Variants in PRKG1 observed in about 807,000 individuals in gnomAD.
The protein encoded by PRKG1 is protein kinase cGMP-dependent 1, also known as cGMP-dependent protein kinase 1.
Under a neutral mutation model 88.1 loss-of-function variants are expected in PRKG1, and 35 were observed. The ratio of observed to expected loss-of-function variants is 0.40; its 90% confidence interval spans 0.30 to 0.53. The LOEUF (loss-of-function observed/expected upper bound fraction) is 0.53. Among genes scored for constraint, PRKG1 ranks in the 20% least tolerant of loss-of-function variants. The pLI, the probability that PRKG1 is intolerant of heterozygous loss-of-function variation, is 0.59. For missense variants in PRKG1, 540 were observed against 839.8 expected (o/e 0.64, Z 4.41); for synonymous variants, 303 against 292.5 (o/e 1.04, Z -0.37).
intron 3 of PRKG1, among the ~76,000 whole-genome samples, chr10:51,601,506 G>A (rs1363671746): frequency 3.3e-5 from 5 of 152,018 alleles, no homozygotes; most frequent in Non-Finnish European, 7.4e-5. Flanking sequence ...GGTTCCACCC[G>A]GCAGGGTATG....
chr10:52,134,137 C>T (rs1179342638), intron 8 of PRKG1, among the ~76,000 whole-genome samples: 1 of 152,094 alleles, frequency 6.6e-6, no homozygotes, highest in Non-Finnish European at 1.5e-5. Flanking sequence ...CGGCTCAGCT[C>T]ATTTGTAAAC....
intron 9 of PRKG1, among the ~76,000 whole-genome samples, chr10:52,204,986 G>A (rs533481480): frequency 2.6e-4 from 39 of 152,212 alleles, no homozygotes; most frequent in African/African-American, 8.9e-4. Flanking sequence ...CCTGGGAAAA[G>A]AATGCATTCC....
At chr10:51,673,269 T>A (rs1564600830) in intron 3 of PRKG1, among the ~76,000 whole-genome samples, 1 of 151,890 alleles carries the variant, frequency 6.6e-6, no homozygotes, top group Non-Finnish European at 1.5e-5. Context: ...AAAAATTAAG[T>A]GAAAAGAGAA....
chr10:51,281,629 G>T (rs902425449), intron 2 of PRKG1, among the ~76,000 whole-genome samples: 1 of 152,162 alleles, frequency 6.6e-6, no homozygotes, highest in African/African-American at 2.4e-5. Context: ...CTCTGGGGGC[G>T]GGGCATAGCC....
intron 2 of PRKG1, among the ~76,000 whole-genome samples, chr10:51,160,009 G>A (rs1011965485): frequency 6.6e-6 from 1 of 152,100 alleles, no homozygotes; most frequent in Non-Finnish European, 1.5e-5. Context: ...TGACTACATC[G>A]CATCTGCTTA....
chr10:52,002,409 G>T (rs976456711), intron 5 of PRKG1, among the ~76,000 whole-genome samples: 1 of 151,984 alleles, frequency 6.6e-6, no homozygotes, highest in Admixed American at 6.6e-5. Context: ...ATTTTGTGAT[G>T]GTTTGTCTTA....
intron 2 of PRKG1, among the ~76,000 whole-genome samples, chr10:51,192,288 C>T (rs1324091648): frequency 2.0e-5 from 3 of 151,740 alleles, no homozygotes; most frequent in Non-Finnish European, 4.4e-5. Flanking sequence ...TTTAATGAAA[C>T]AGGGAAGACC....
chr10:51,186,995 T>TATATATA (rs1837510366), intron 2 of PRKG1, among the ~76,000 whole-genome samples: 6 of 146,934 alleles, frequency 4.1e-5, no homozygotes, highest in African/African-American at 1.2e-4. Flanking sequence ...TATATATATA[T>TATATATA]TCTCTTTATT....
intron 2 of PRKG1, among the ~76,000 whole-genome samples, chr10:51,292,187 A>G (rs1009579269): frequency 6.6e-6 from 1 of 152,134 alleles, no homozygotes; most frequent in African/African-American, 2.4e-5. Flanking sequence ...CTCTGACCCT[A>G]AAGTTGTTTG....
intron 2 of PRKG1, among the ~76,000 whole-genome samples, chr10:51,252,145 C>T (rs1022198114): frequency 7.9e-5 from 12 of 151,618 alleles, no homozygotes; most frequent in Admixed American, 3.3e-4. Context: ...CACAATGAGC[C>T]GCACAGATGA....
intron 2 of PRKG1, among the ~76,000 whole-genome samples, chr10:51,260,082 T>G (rs546138497): frequency 6.6e-6 from 1 of 152,302 alleles, no homozygotes; most frequent in African/African-American, 2.4e-5. Context: ...TTACCTAACA[T>G]TTTAATTAGA....
chr10:52,050,662 T>C (rs1401807235), intron 5 of PRKG1, among the ~76,000 whole-genome samples: 1 of 152,148 alleles, frequency 6.6e-6, no homozygotes, highest in Admixed American at 6.5e-5. Context: ...GACCCCTGGA[T>C]TTTATGAGCT....
chr10:51,836,965 T>C (rs1840148224), intron 4 of PRKG1, among the ~76,000 whole-genome samples: 1 of 152,150 alleles, frequency 6.6e-6, no homozygotes, highest in Non-Finnish European at 1.5e-5. Context: ...CAATTACAGG[T>C]ATTTGATTCG....
At chr10:51,791,151 G>A (rs568701411) in intron 3 of PRKG1, among the ~76,000 whole-genome samples, 2 of 152,172 alleles carry the variant, frequency 1.3e-5, no homozygotes, top group Admixed American at 1.3e-4. Context: ...GAATAGTTAA[G>A]GCTGTTAGCT....
intron 4 of PRKG1, among the ~76,000 whole-genome samples, chr10:51,889,237 G>A (rs1841653883): frequency 8.0e-6 from 1 of 124,926 alleles, no homozygotes; most frequent in Non-Finnish European, 1.6e-5. Flanking sequence ...AGGCCCCGGT[G>A]TGTGATGTTC....
At chr10:51,189,501 C>A (rs565023526) in intron 2 of PRKG1, among the ~76,000 whole-genome samples, 72 of 151,928 alleles carry the variant, frequency 4.7e-4, no homozygotes, top group African/African-American at 1.6e-3. Flanking sequence ...TTCCCTGTGG[C>A]CCATGGAGCT....
chr10:52,041,770 A>T (rs190899819), intron 5 of PRKG1, among the ~76,000 whole-genome samples: 75 of 152,252 alleles, frequency 4.9e-4, no homozygotes, highest in African/African-American at 1.7e-3. Context: ...ATAATTATTC[A>T]TAATAATTTC....
chr10:51,588,195 A>G (rs1159855363), intron 3 of PRKG1, among the ~76,000 whole-genome samples: 2 of 152,156 alleles, frequency 1.3e-5, no homozygotes, highest in Non-Finnish European at 2.9e-5. Context: ...TGCCCCAGGC[A>G]TTGAGTATAC....
At chr10:51,072,996 T>C (rs751772603), upstream of PRKG1, among the ~76,000 whole-genome samples, 1 of 152,196 alleles carries the variant, frequency 6.6e-6, no homozygotes, top group African/African-American at 2.4e-5. Flanking sequence ...AATAACCAAA[T>C]AGAGCATTGA....
Sources: gnomAD v4.1 joint callset for allele counts (sites outside exome capture counted in the v4.1 genomes callset) on GRCh38, gnomAD v4.1.1 for gene constraint, MANE v1.5 for transcripts, NCBI Gene and HGNC (gene_info 2026-07-23, HGNC 2026-07-21) for gene names.